Variants in KCNIP4 observed in about 807,000 individuals in gnomAD.
KCNIP4 encodes potassium voltage-gated channel interacting protein 4.
Under a neutral mutation model 34.0 loss-of-function variants are expected in KCNIP4, and 12 were observed. The ratio of observed to expected loss-of-function variants is 0.35; its 90% CI spans 0.23 to 0.57. KCNIP4 has a LOEUF of 0.57. Ranked by LOEUF, KCNIP4 falls within the 20% of genes least tolerant of loss-of-function variation. KCNIP4 has a pLI of 0.83. For missense variants in KCNIP4, 238 were observed against 311.7 expected (o/e 0.76, Z 1.78); for synonymous variants, 124 against 102.2 (o/e 1.21, Z -1.29).
chr4:20,841,287 A>G (rs972613844), intron 3 of KCNIP4, among the ~76,000 whole-genome samples: 1 of 152,198 alleles, frequency 6.6e-6, no homozygotes, highest in African/African-American at 2.4e-5. Context: ...TACCTGTCAT[A>G]TACTAGACAC....
intron 1 of KCNIP4, among the ~76,000 whole-genome samples, chr4:20,923,211 T>G (rs1729577326): frequency 1.3e-5 from 2 of 152,204 alleles, no homozygotes; most frequent in Non-Finnish European, 1.5e-5. Flanking sequence ...TGTATTTCTA[T>G]TCTTCCATTT....
chr4:21,714,788 T>TC (rs1553923857), intron 1 of KCNIP4, among the ~76,000 whole-genome samples: 7 of 2,274 alleles, frequency 3.1e-3, no homozygotes, highest in African/African-American at 7.8e-3. Context: ...TCCCTTTGAT[T>TC]ATTTTATTTT....
At chr4:20,967,901 A>C (rs981427414) in intron 1 of KCNIP4, among the ~76,000 whole-genome samples, 1 of 152,220 alleles carries the variant, frequency 6.6e-6, no homozygotes, top group South Asian at 2.1e-4. Context: ...CACCAAAAGC[A>C]ATGGCAACAA....
chr4:20,864,652 A>T (rs1722687153), intron 2 of KCNIP4, among the ~76,000 whole-genome samples: 1 of 152,030 alleles, frequency 6.6e-6, no homozygotes, highest in South Asian at 2.1e-4. Context: ...ATGCACCCAA[A>T]TAAGAATCAG....
intron 1 of KCNIP4, among the ~76,000 whole-genome samples, chr4:21,513,868 T>C (rs994873676): frequency 1.3e-5 from 2 of 152,224 alleles, no homozygotes; most frequent in South Asian, 2.1e-4. Flanking sequence ...GTTGGGTCTA[T>C]GGATCTGTAC....
chr4:21,454,259 A>G (rs1029137373), intron 1 of KCNIP4, among the ~76,000 whole-genome samples: 2 of 152,108 alleles, frequency 1.3e-5, no homozygotes, highest in African/African-American at 4.8e-5. Context: ...TTTAAATAGC[A>G]AGGAACCAGG....
rs541854797 is a variant in KCNIP4 at position 21,358,499 on chromosome 4, A to C, written c.62-475790T>G. Among the ~76,000 whole-genome samples the C allele has an allele frequency of 1.2e-3, 176 of 152,256 alleles. 9 individuals are homozygous for C. The highest frequency in any genetic ancestry group is 7.4e-4 in the Non-Finnish European group (50 of 67,996). On this transcript the variant is annotated intron_variant, in intron 1 of 8. Coordinates refer to ENST00000382152, the MANE Select transcript of KCNIP4 (RefSeq NM_025221.6). The stretch of plus-strand genomic sequence containing the variant: ...AGAGAGTTATTACATAGCTCAAACA[A>C]GACCAAAACAGTGATATGCAAACTG...
intron 3 of KCNIP4, among the ~76,000 whole-genome samples, chr4:20,843,559 G>C (rs752398065): frequency 6.6e-6 from 1 of 151,984 alleles, no homozygotes; most frequent in East Asian, 1.9e-4. Flanking sequence ...GTGAAACCCC[G>C]TCTCTACCAA....
chr4:21,105,604 T>C (rs890752451), intron 1 of KCNIP4, among the ~76,000 whole-genome samples: 3 of 151,664 alleles, frequency 2.0e-5, no homozygotes, highest in Non-Finnish European at 4.4e-5. Context: ...TCCTGCCTAA[T>C]TGCCCTGGCC....
chr4:21,900,794 T>C (rs1470661415), intron 1 of KCNIP4, among the ~76,000 whole-genome samples: 2 of 152,196 alleles, frequency 1.3e-5, no homozygotes, highest in African/African-American at 4.8e-5. Context: ...TGTTCTCCAT[T>C]GCAGTAAGTA....
intron 2 of KCNIP4, among the ~76,000 whole-genome samples, chr4:20,882,149 A>G (rs989009543): frequency 1.3e-5 from 2 of 152,228 alleles, no homozygotes; most frequent in Non-Finnish European, 2.9e-5. Context: ...ACAAAGAAGA[A>G]AAGTCACGTT....
intron 1 of KCNIP4, among the ~76,000 whole-genome samples, chr4:21,130,904 A>T (rs1751018461): frequency 6.6e-6 from 1 of 152,226 alleles, no homozygotes; most frequent in Non-Finnish European, 1.5e-5. Context: ...ACTGTAAATT[A>T]AAAATTCACT....
Position 21,948,641 on chromosome 4 carries a change from C to A in KCNIP4, c.-10G>T, listed in dbSNP as rs746164359. The A allele has an allele frequency of 4.3e-6, 7 of 1,611,328 alleles. No individual in the cohort carries two copies. In the African/African-American group the frequency reaches 6.7e-5, roughly 15 times the overall value. ...CCCTCCTCACATTCATGTCTAGGGA[C>A]GCAGGGTGCAGAAGCGAGACTCGAG... On this transcript the variant is annotated 5_prime_UTR_variant, in exon 1 of 9. Transcript: ENST00000382152.
chr4:21,871,444 A>G (rs1227849381), intron 1 of KCNIP4, among the ~76,000 whole-genome samples: 3 of 151,748 alleles, frequency 2.0e-5, no homozygotes, highest in Non-Finnish European at 4.4e-5. Context: ...CATATACACC[A>G]TGGAATACTA....
intron 1 of KCNIP4, among the ~76,000 whole-genome samples, chr4:21,189,576 T>G (rs1282119545): frequency 6.6e-6 from 1 of 152,214 alleles, no homozygotes; most frequent in Non-Finnish European, 1.5e-5. Flanking sequence ...GTATAGTGAT[T>G]TCTTCAACAT....
chr4:20,878,324 C>T (rs941207625), intron 2 of KCNIP4, among the ~76,000 whole-genome samples: 1 of 152,054 alleles, frequency 6.6e-6, no homozygotes. Context: ...TCTTTTTTGT[C>T]TCCAATAAAC....
chr4:21,725,248 TC>T lies in KCNIP4; in HGVS notation c.61+223322del, dbSNP rs372430989. 3.2e-3 allele frequency among the ~76,000 whole-genome samples: 492 copies of T among 152,178 alleles called. 3 individuals carry two copies. The highest frequency in any genetic ancestry group is 0.011 in the African/African-American group (462 of 41,526). On this transcript the variant is annotated intron_variant, in intron 1 of 8. Transcript: ENST00000382152. ...TTTCAAAACTTCCTATACAAAAAAA[TC>T]CCCAGCTCCCTTTCTTTTCTTAGAC...
chr4:21,629,384 A>G (rs1234818746), intron 1 of KCNIP4, among the ~76,000 whole-genome samples: 1 of 152,208 alleles, frequency 6.6e-6, no homozygotes, highest in Non-Finnish European at 1.5e-5. Context: ...GCCTAGTTTC[A>G]TGGCTCCTTA....
intron 1 of KCNIP4, among the ~76,000 whole-genome samples, chr4:21,766,307 T>C (rs1718414121): frequency 6.6e-6 from 1 of 152,138 alleles, no homozygotes; most frequent in African/African-American, 2.4e-5. Context: ...ATAATAACCC[T>C]TGAGACAGTT....
Sources: gnomAD v4.1 joint callset for allele counts (sites outside exome capture counted in the v4.1 genomes callset) on GRCh38, gnomAD v4.1.1 for gene constraint, MANE v1.5 for transcripts, NCBI Gene and HGNC (gene_info 2026-07-23, HGNC 2026-07-21) for gene names.